The following ASXL1 variants were observed in gnomAD, a reference collection of about 807,000 sequenced individuals.
ASXL1 encodes polycomb group protein ASXL1.
A neutral mutation model predicts 89.1 loss-of-function variants in ASXL1; 65 were observed. The observed-to-expected ratio is 0.73, with a 90% CI of 0.60 to 0.90. The LOEUF is 0.90. Ranked by LOEUF, ASXL1 falls within the 40% of genes least tolerant of loss-of-function variation. The pLI, the probability that ASXL1 is intolerant of heterozygous loss-of-function variation, is 0.00. For missense variants in ASXL1, 1,786 were observed against 1,942.9 expected, an observed-to-expected ratio of 0.92 and a Z score of 1.52; for synonymous variants, 739 against 746.9, an observed-to-expected ratio of 0.99 and a Z score of 0.17.
At chr20:32,386,789 C>T (rs371303922) in intron 4 of ASXL1, among the ~76,000 whole-genome samples, 40 of 129,620 alleles carry the variant, frequency 3.1e-4, no homozygotes, top group Admixed American at 4.9e-4. Flanking sequence ...CTCTCTCTCT[C>T]TTTTTTTTTT....
At chr20:32,397,389 C>A (rs1286484865) in intron 4 of ASXL1, among the ~76,000 whole-genome samples, 3 of 140,766 alleles carry the variant, frequency 2.1e-5, no homozygotes, top group African/African-American at 7.7e-5. Context: ...TGTGAGCCAC[C>A]ACTCCTGGCC....
At chr20:32,401,643 C>T (rs549410045) in intron 4 of ASXL1, among the ~76,000 whole-genome samples, 1 of 150,406 alleles carries the variant, frequency 6.6e-6, no homozygotes, top group East Asian at 2.0e-4. Context: ...GCAATCTGCA[C>T]CTCACAGGTT....
intron 2 of ASXL1, among the ~76,000 whole-genome samples, chr20:32,366,986 G>T (rs1195655394): frequency 6.6e-6 from 1 of 151,728 alleles, no homozygotes. Context: ...TAGTTTTCCT[G>T]GAGAAGTAAC....
intron 1 of ASXL1, chr20:32,359,462 C>T (rs1305865708): frequency 2.9e-6 from 2 of 691,622 alleles, no homozygotes; most frequent in Non-Finnish European, 5.3e-6. Flanking sequence ...TTCGTAAGAC[C>T]TGCTGAGCCT....
intron 4 of ASXL1, among the ~76,000 whole-genome samples, chr20:32,420,068 A>ATGT (rs1160457009): frequency 1.3e-5 from 2 of 150,734 alleles, no homozygotes; most frequent in African/African-American, 4.9e-5. Context: ...GTGATCTCAA[A>ATGT]TGTCACAATG....
rs1600592545 is a variant in ASXL1 at position 32,436,377 on chromosome 20, C to T, written c.3665C>T (p.Ser1222Phe). Residue 1222 changes from serine to phenylalanine, a missense_variant, in exon 13 of 13, where the codon TCC (serine) becomes TTC (phenylalanine). Ser to Phe is a radical substitution (Grantham distance 155, BLOSUM62 -2). Coordinates refer to ENST00000375687, the MANE Select transcript of ASXL1 (RefSeq NM_015338.6). ...SLHPVTNPIT[S>F]SRKLEEMDSK... ...CATCCAGTGACAAATCCCATTACAT[C>T]CTCTAGGAAACTGGAAGAAATGGAT... is the stretch of plus-strand genomic sequence containing the variant. 1.9e-6 allele frequency: 3 copies of T among 1,613,580 alleles called. No individual in the cohort carries two copies. In the South Asian group the frequency reaches 3.3e-5, roughly 18 times the overall value.
At position 32,430,070 on chromosome 20, in the gene ASXL1, T is replaced by A. The variant is rs2123226289; in HGVS notation, c.718+17T>A. 6.2e-7 allele frequency: 1 copy of A among 1,600,758 alleles called. No homozygotes were observed. The highest frequency in any genetic ancestry group is 8.5e-7 in the Non-Finnish European group (1 of 1,179,072). ...CAGCCACAGGTGAGTGGCGTGGCAC[T>A]TATTTCTCTGCCTGTAAAGGGGGCC... On this transcript the variant is annotated intron_variant, in intron 8 of 12. Coordinates refer to ENST00000375687, the MANE Select transcript of ASXL1 (RefSeq NM_015338.6).
In ASXL1 at chr20:32,433,795, G is replaced by A. The variant is rs2123268219; in HGVS notation, c.1597G>A (p.Ala533Thr). The A allele has an allele frequency of 1.2e-6, 2 of 1,614,180 alleles. No individual in the cohort carries two copies. The highest frequency in any genetic ancestry group is 1.7e-6 in the Non-Finnish European group (2 of 1,180,036). ...KRKSFEQAAS[A>T]SFPEKKPRLE... is the part of the protein sequence containing the mutation. ...GAAATCCTTTGAGCAGGCGGCCTCT[G>A]CATCCTTTCCCGAAAAGAAGCCCCG... Residue 533 changes from alanine to threonine, a missense_variant, in exon 12 of 13, where the codon GCA becomes ACA. By Grantham distance (58) the Ala-to-Thr change is moderately conservative (BLOSUM62 0). Transcript: ENST00000375687.
chr20:32,378,061 C>G (rs2889646), intron 4 of ASXL1, among the ~76,000 whole-genome samples: 51,271 of 146,922 alleles, frequency 0.35, 10,048 homozygotes, highest in East Asian at 0.74. Context: ...ATGATCACAG[C>G]TCACTGCAAC....
intron 1 of ASXL1, 61 bp from the exon 2 acceptor site, chr20:32,366,323 A>G (rs1242277739): frequency 6.3e-6 from 9 of 1,418,304 alleles, no homozygotes; most frequent in South Asian, 4.6e-5. Flanking sequence ...CCCATGATAT[A>G]TGGATGGATG....
chr20:32,374,271 G>A (rs967307758), intron 4 of ASXL1, among the ~76,000 whole-genome samples: 1 of 152,180 alleles, frequency 6.6e-6, no homozygotes, highest in African/African-American at 2.4e-5. Context: ...TGGGATTATA[G>A]GCATGAGCCA....
At chr20:32,370,921 C>T (rs1451278834) in intron 4 of ASXL1, among the ~76,000 whole-genome samples, 1 of 124,426 alleles carries the variant, frequency 8.0e-6, no homozygotes, top group Admixed American at 1.0e-4. Context: ...GAGGCTAAGG[C>T]GGGAGGATTG....
chr20:32,422,869 G>A (rs915220238), intron 4 of ASXL1, among the ~76,000 whole-genome samples: 1 of 152,020 alleles, frequency 6.6e-6, no homozygotes, highest in African/African-American at 2.4e-5. Context: ...GCAGGCATGA[G>A]CCACCGTGCC....
chr20:32,399,267 A>G (rs1225862520), intron 4 of ASXL1, among the ~76,000 whole-genome samples: 1 of 151,952 alleles, frequency 6.6e-6, no homozygotes, highest in African/African-American at 2.4e-5. Flanking sequence ...AATACTTTAA[A>G]GATGATATAC....
chr20:32,402,596 T>G (rs2048894320), intron 4 of ASXL1, among the ~76,000 whole-genome samples: 1 of 152,246 alleles, frequency 6.6e-6, no homozygotes, highest in Non-Finnish European at 1.5e-5. Context: ...GAAATCCAAT[T>G]GTTCTGCTTT....
intron 2 of ASXL1, among the ~76,000 whole-genome samples, chr20:32,367,367 A>G (rs1185945901): frequency 6.6e-6 from 1 of 152,202 alleles, no homozygotes; most frequent in Non-Finnish European, 1.5e-5. Context: ...ACAACAGAAT[A>G]AGACTGCATC....
In ASXL1 at chr20:32,429,157, G is replaced by A. The variant is rs1249422319; in HGVS notation, c.472-181G>A. The stretch of plus-strand genomic sequence containing the variant: ...TTTTTGTAGCTTGGAATGATGCTTG[G>A]CACAGTGACCAGCACGTAGCTCAGT... On this transcript the variant is annotated intron_variant, in intron 6 of 12. Coordinates refer to ENST00000375687, the MANE Select transcript of ASXL1 (RefSeq NM_015338.6). This position sits in a 1 kb window ranked among gnomAD's most constrained non-coding sequence, Gnocchi z 4.9. The A allele has an allele frequency of 3.0e-6, 2 of 663,356 alleles. No homozygotes were observed. The highest frequency in any genetic ancestry group is 5.4e-6 in the Non-Finnish European group (2 of 370,334). The allele number at this position is 663,356 out of a possible 1,614,324, so 41.1% of individuals were successfully genotyped here. A position where few individuals can be genotyped will look rare whatever the true frequency, so the allele number is the denominator to read the frequency against.
chr20:32,391,812 T>C (rs779946453), intron 4 of ASXL1, among the ~76,000 whole-genome samples: 38 of 152,264 alleles, frequency 2.5e-4, no homozygotes, highest in Middle Eastern at 3.4e-3. Context: ...TTTAGTAAAA[T>C]TTCTGCTCTT....
chr20:32,382,975 TGATA>T (rs1347689029), intron 4 of ASXL1, among the ~76,000 whole-genome samples: 1 of 152,190 alleles, frequency 6.6e-6, no homozygotes, highest in Non-Finnish European at 1.5e-5. Context: ...ACTAAACTTC[TGATA>T]GATGAAAGGA....
Sources: gnomAD v4.1 joint callset for allele counts (sites outside exome capture counted in the v4.1 genomes callset) on GRCh38, gnomAD v4.1.1 for gene constraint, Gnocchi (gnomAD v3.1) non-coding constraint, MANE v1.5 for transcripts, NCBI Gene and HGNC (gene_info 2026-07-23, HGNC 2026-07-21) for gene names.